TANC2: variants seen among roughly 807,000 people sequenced by gnomAD.
TANC2 encodes tetratricopeptide repeat, ankyrin repeat and coiled-coil containing 2.
TANC2 carries 26 observed loss-of-function variants against 210.5 expected under a neutral mutation model. The observed-to-expected ratio is 0.12, with a 90% CI of 0.09 to 0.17. The LOEUF is 0.17. TANC2 is among the 10% of genes least tolerant of loss of function. The pLI is 1.00. For missense variants in TANC2, 2,129 were observed against 2,608.9 expected (o/e 0.82, Z 4.01); for synonymous variants, 931 against 967.1 (o/e 0.96, Z 0.69).
At chr17:63,358,463 G>T (rs1227757766) in intron 14 of TANC2, among the ~76,000 whole-genome samples, 2 of 148,132 alleles carry the variant, frequency 1.4e-5, no homozygotes, top group African/African-American at 5.0e-5. Context: ...GAATCTTTTA[G>T]ATTTGCAGTT....
intron 12 of TANC2, among the ~76,000 whole-genome samples, chr17:63,344,894 G>C (rs934182444): frequency 2.6e-5 from 4 of 152,132 alleles, no homozygotes; most frequent in Admixed American, 6.5e-5. Context: ...CTTCCATCTT[G>C]TTCACCAAAC....
intron 4 of TANC2, among the ~76,000 whole-genome samples, chr17:63,124,270 A>G (rs1598433657): frequency 1.3e-5 from 2 of 152,114 alleles, no homozygotes; most frequent in South Asian, 2.1e-4. Context: ...CTTAAGAAAT[A>G]CAACCTAAGG....
chr17:63,325,053 C>A, intron 11 of TANC2, among the ~76,000 whole-genome samples: 1 of 119,796 alleles, frequency 8.3e-6, no homozygotes, highest in Non-Finnish European at 1.6e-5. Context: ...CTACATAATT[C>A]TTTGTGTGGG....
chr17:63,351,509 C>G, intron 13 of TANC2, 93 bp downstream of exon 13: 2 of 1,037,268 alleles, frequency 1.9e-6, no homozygotes, highest in Non-Finnish European at 2.7e-6. Context: ...TAAACTTCTA[C>G]TATGTCCTAG....
At position 63,420,933 on chromosome 17, in the gene TANC2, A is replaced by T; in HGVS notation, c.5203A>T (p.Ile1735Leu). 1 of 1,614,062 alleles carries T rather than the reference A, an allele frequency of 6.2e-7. No individual in the cohort carries two copies. Among genetic ancestry groups the T allele is most frequent in the Non-Finnish European group, 8.5e-7 (1 of 1,179,904 alleles). Reference sequence around the variant, plus strand: ...TAAATACCAGTCTTCACAAGGAGACATAGGAGTCAGCCAGAGCCGGTTGGT... The same window carrying T: ...TAAATACCAGTCTTCACAAGGAGACTTAGGAGTCAGCCAGAGCCGGTTGGT... Residue 1735 changes from isoleucine (I) to leucine (L), a missense_variant, in exon 28 of 28, where the codon ATA becomes TTA. Ile to Leu is a conservative substitution (Grantham distance 5). This residue lies in a region of TANC2 where 584 missense variants were observed against 627.3 expected (regional missense o/e 0.93). Coordinates refer to ENST00000689528, the Ensembl canonical transcript of TANC2. This position sits in a 1 kb window ranked among gnomAD's most constrained non-coding sequence, Gnocchi z 4.2.
chr17:63,156,795 A>G (rs1255696838), intron 5 of TANC2, among the ~76,000 whole-genome samples: 2 of 152,028 alleles, frequency 1.3e-5, no homozygotes, highest in Non-Finnish European at 2.9e-5. Context: ...CCTGGGCTCA[A>G]GCAACCTTCT....
At chr17:63,178,539 A>G (rs2040671935) in intron 5 of TANC2, among the ~76,000 whole-genome samples, 1 of 152,226 alleles carries the variant, frequency 6.6e-6, no homozygotes. Flanking sequence ...CATTCCTCAG[A>G]ACAATGAAAA....
chr17:63,247,367 A>G (rs975005474), intron 8 of TANC2, among the ~76,000 whole-genome samples: 4 of 151,762 alleles, frequency 2.6e-5, no homozygotes, highest in Admixed American at 6.6e-5. Context: ...TGTTTATATC[A>G]TGTATTATAA....
intron 9 of TANC2, among the ~76,000 whole-genome samples, chr17:63,292,261 A>G (rs182302494): frequency 6.6e-6 from 1 of 152,210 alleles, no homozygotes; most frequent in Non-Finnish European, 1.5e-5. Flanking sequence ...TAGGATTGGC[A>G]GTATTTTAAA....
chr17:63,388,898 A>G (rs2047871810), intron 16 of TANC2, 141 bp downstream of exon 16: 2 of 635,214 alleles, frequency 3.1e-6, no homozygotes, highest in South Asian at 8.6e-5. Flanking sequence ...TATATTTTAA[A>G]TTGTTAAATT....
chr17:63,037,683 G>A (rs1186007115), intron 2 of TANC2, among the ~76,000 whole-genome samples: 2 of 152,004 alleles, frequency 1.3e-5, no homozygotes, highest in Admixed American at 6.6e-5. Flanking sequence ...GCATGCTGGC[G>A]GGCACCTGTA....
chr17:63,110,009 C>G (rs2037973665), intron 4 of TANC2, among the ~76,000 whole-genome samples: 1 of 151,724 alleles, frequency 6.6e-6, no homozygotes, highest in Non-Finnish European at 1.5e-5. Flanking sequence ...GATGGTAGTA[C>G]AGCTGTGTTA....
In TANC2 at chr17:63,258,380, A is replaced by G. The variant is rs147745740; in HGVS notation, c.1034-9368A>G. 3.2e-3 allele frequency among the ~76,000 whole-genome samples: 486 copies of G among 152,264 alleles called. 1 individual carries two copies. The highest frequency in any genetic ancestry group is 0.01 in the African/African-American group (421 of 41,544). ...TAGCTTCTTTTACTTGAATGTTAAT[A>G]TATTTCTCTTAGTTCTCTGTTATTC... is the stretch of plus-strand genomic sequence containing the variant. On this transcript the variant is annotated intron_variant, in intron 8 of 27. Transcript: ENST00000689528.
At chr17:63,413,721 A>G (rs761443331) in intron 25 of TANC2, 87 bp downstream of exon 25, 88 of 1,257,266 alleles carry the variant, frequency 7.0e-5, no homozygotes, top group Non-Finnish European at 9.9e-5. Flanking sequence ...GATAATTCTC[A>G]TCCTTTGCGT....
At chr17:63,334,152 A>G (rs2045948945) in intron 11 of TANC2, 1 of 152,212 alleles carries the variant, frequency 6.6e-6, no homozygotes, top group Non-Finnish European at 1.5e-5. Context: ...TGACACATCA[A>G]TACAATAATC....
At chr17:63,148,507 C>G (rs528450138) in intron 4 of TANC2, 6 of 152,248 alleles carry the variant, frequency 3.9e-5, no homozygotes, top group African/African-American at 1.4e-4. Flanking sequence ...AACCTCTAAG[C>G]CGATATGCAT....
intron 27 of TANC2, among the ~76,000 whole-genome samples, chr17:63,419,755 A>T (rs768881239): frequency 2.6e-5 from 4 of 152,132 alleles, no homozygotes; most frequent in Non-Finnish European, 5.9e-5. Context: ...AAAATGGGGC[A>T]TTTCTCCACT....
At chr17:63,245,967 A>G (rs904155107) in intron 8 of TANC2, among the ~76,000 whole-genome samples, 9 of 151,146 alleles carry the variant, frequency 6.0e-5, no homozygotes, top group Non-Finnish European at 1.2e-4. Flanking sequence ...CCAAGATTGC[A>G]CCAGTGCACT....
chr17:63,068,698 T>TA (rs1331283049), intron 2 of TANC2, among the ~76,000 whole-genome samples: 1 of 152,170 alleles, frequency 6.6e-6, no homozygotes, highest in Non-Finnish European at 1.5e-5. Flanking sequence ...TCATTACACT[T>TA]ACATAGTATA....
Sources: gnomAD v4.1 joint callset for allele counts (sites outside exome capture counted in the v4.1 genomes callset) on GRCh38, gnomAD v4.1.1 for gene constraint, gnomAD v4.1.1 regional missense constraint, Gnocchi (gnomAD v3.1) non-coding constraint, MANE v1.5 for transcripts, NCBI Gene and HGNC (gene_info 2026-07-23, HGNC 2026-07-21) for gene names.